Variants in CSMD1 observed in about 807,000 individuals in gnomAD.
CSMD1 encodes the protein CUB and sushi domain-containing protein 1.
CSMD1 carries 213 observed loss-of-function variants against 417.5 expected under a neutral mutation model. That is an observed-to-expected ratio of 0.51 (90% CI 0.46 to 0.57). The LOEUF is 0.57. CSMD1 is among the 20% of genes least tolerant of loss of function. The probability of loss-of-function intolerance (pLI) is 0.00; values close to 1 mark genes in which losing one functional copy is unlikely to be tolerated. For missense variants in CSMD1, 6,923 were observed against 4,529.7 expected, an observed-to-expected ratio of 1.53 and a Z score of -15.17; for synonymous variants, 2,862 against 1,736.8, an observed-to-expected ratio of 1.65 and a Z score of -16.11.
intron 5 of CSMD1, among the ~76,000 whole-genome samples, chr8:3,996,714 A>C (rs1268847912): frequency 6.6e-6 from 1 of 152,226 alleles, no homozygotes; most frequent in Non-Finnish European, 1.5e-5. Context: ...TTGAAAACAA[A>C]GACAATCTAG....
At chr8:3,594,597 C>T (rs949920409) in intron 8 of CSMD1, among the ~76,000 whole-genome samples, 6 of 152,274 alleles carry the variant, frequency 3.9e-5, no homozygotes, top group East Asian at 1.9e-4. Flanking sequence ...TGAAGTTGCA[C>T]GGTGTCCTTC....
At chr8:3,332,538 T>C (rs1160247525) in intron 23 of CSMD1, among the ~76,000 whole-genome samples, 1 of 152,234 alleles carries the variant, frequency 6.6e-6, no homozygotes, top group Admixed American at 6.5e-5. Flanking sequence ...CTGAAACCTG[T>C]TTTATTTGCA....
At chr8:4,895,576 G>A (rs757734185) in intron 1 of CSMD1, among the ~76,000 whole-genome samples, 58 of 152,012 alleles carry the variant, frequency 3.8e-4, no homozygotes, top group Non-Finnish European at 7.8e-4. Flanking sequence ...TGATTCAAAG[G>A]TATTGATTAT....
intron 2 of CSMD1, among the ~76,000 whole-genome samples, chr8:4,512,706 A>G (rs1468692461): frequency 6.6e-6 from 1 of 152,130 alleles, no homozygotes; most frequent in Non-Finnish European, 1.5e-5. Flanking sequence ...CCCCAAAATG[A>G]AATACTTAGA....
At chr8:3,165,815 C>T (rs941168122) in intron 37 of CSMD1, among the ~76,000 whole-genome samples, 6 of 152,014 alleles carry the variant, frequency 3.9e-5, no homozygotes, top group African/African-American at 1.4e-4. Context: ...GAGTGGAGCA[C>T]AGGAGAACTC....
intron 5 of CSMD1, among the ~76,000 whole-genome samples, chr8:3,994,817 A>G (rs967920747): frequency 1.3e-5 from 2 of 152,214 alleles, no homozygotes; most frequent in African/African-American, 4.8e-5. Context: ...ATTAAATGAA[A>G]ATAAGGCTAA....
At chr8:4,501,785 T>G (rs1034415729) in intron 2 of CSMD1, among the ~76,000 whole-genome samples, 2 of 152,144 alleles carry the variant, frequency 1.3e-5, no homozygotes, top group African/African-American at 2.4e-5. Context: ...TTGTCGTTAT[T>G]TGACTTTATA....
intron 1 of CSMD1, among the ~76,000 whole-genome samples, chr8:4,840,315 C>T (rs986814836): frequency 6.6e-6 from 1 of 152,166 alleles, no homozygotes; most frequent in Non-Finnish European, 1.5e-5. Context: ...ACCTTCTATT[C>T]AGCACAGCTG....
intron 5 of CSMD1, among the ~76,000 whole-genome samples, chr8:3,902,156 T>C (rs1487255414): frequency 2.0e-5 from 3 of 152,196 alleles, no homozygotes; most frequent in South Asian, 2.1e-4. Flanking sequence ...TCAAGCACTG[T>C]AGCAACATTG....
At chr8:4,202,224 G>C (rs756682240) in intron 3 of CSMD1, among the ~76,000 whole-genome samples, 3 of 152,058 alleles carry the variant, frequency 2.0e-5, no homozygotes, top group African/African-American at 2.4e-5. Flanking sequence ...GTGACTATTT[G>C]ATGAATTATG....
chr8:4,878,524 C>G (rs559608324), intron 1 of CSMD1, among the ~76,000 whole-genome samples: 4 of 151,724 alleles, frequency 2.6e-5, no homozygotes, highest in African/African-American at 9.7e-5. Flanking sequence ...TATTATTATT[C>G]AGAATGATTA....
intron 3 of CSMD1, among the ~76,000 whole-genome samples, chr8:4,213,253 C>T (rs950881090): frequency 2.6e-5 from 4 of 152,172 alleles, no homozygotes; most frequent in African/African-American, 4.8e-5. Context: ...TCCATTCTGT[C>T]AGCAAGTGAG....
chr8:4,436,709 C>T (rs561020335), intron 2 of CSMD1, among the ~76,000 whole-genome samples: 1 of 152,092 alleles, frequency 6.6e-6, no homozygotes, highest in Non-Finnish European at 1.5e-5. Flanking sequence ...CCATCCTACT[C>T]CCTATGTCCA....
intron 1 of CSMD1, among the ~76,000 whole-genome samples, chr8:4,856,855 A>G (rs1488134601): frequency 6.6e-6 from 1 of 152,048 alleles, no homozygotes; most frequent in Non-Finnish European, 1.5e-5. Flanking sequence ...TACACAGATC[A>G]ACGAGACAGA....
intron 30 of CSMD1, among the ~76,000 whole-genome samples, chr8:3,210,665 C>T (rs1227749429): frequency 6.8e-6 from 1 of 147,636 alleles, no homozygotes; most frequent in Non-Finnish European, 1.5e-5. Context: ...TATAATTATA[C>T]ATATATATAC....
chr8:4,588,779 G>GACACACAC (rs10576784), intron 2 of CSMD1, among the ~76,000 whole-genome samples: 18 of 146,464 alleles, frequency 1.2e-4, no homozygotes, highest in Middle Eastern at 3.5e-3. Context: ...GCAAGACTCC[G>GACACACAC]ACACACACAC....
chr8:3,050,106 A>T (rs1477879031), intron 50 of CSMD1, among the ~76,000 whole-genome samples: 1 of 71,446 alleles, frequency 1.4e-5, no homozygotes, highest in Non-Finnish European at 3.1e-5. Flanking sequence ...TAGAGAACTT[A>T]AAAAAAAAAA....
intron 1 of CSMD1, among the ~76,000 whole-genome samples, chr8:4,874,235 C>T (rs1235121352): frequency 6.6e-6 from 1 of 151,850 alleles, no homozygotes; most frequent in African/African-American, 2.4e-5. Context: ...TATAATTGGC[C>T]GTGGTTTTCA....
chr8:4,634,878 C>T (rs1319404100), intron 2 of CSMD1, among the ~76,000 whole-genome samples: 1 of 152,140 alleles, frequency 6.6e-6, no homozygotes, highest in Non-Finnish European at 1.5e-5. Flanking sequence ...ATAGTAGAGA[C>T]CTGTAACACT....
Sources: allele counts gnomAD v4.1 joint callset (sites outside exome capture counted in the v4.1 genomes callset), GRCh38; gene constraint gnomAD v4.1.1; transcripts MANE v1.5; gene names NCBI Gene and HGNC (gene_info 2026-07-23, HGNC 2026-07-21).